The following ADGRL3 variants were observed in gnomAD, a reference collection of about 807,000 sequenced individuals.
ADGRL3 encodes the protein adhesion G protein-coupled receptor L3.
A neutral mutation model predicts 153.5 loss-of-function variants in ADGRL3; 62 were observed. That is an observed-to-expected ratio of 0.40 (90% CI 0.33 to 0.50). The LOEUF is 0.50. Ranked by LOEUF, ADGRL3 falls within the 20% of genes least tolerant of loss-of-function variation. The pLI is 0.47. For missense variants in ADGRL3, 1,641 were observed against 1,859.4 expected (o/e 0.88, Z 2.16); for synonymous variants, 710 against 672.5 (o/e 1.06, Z -0.86).
intron 11 of ADGRL3, among the ~76,000 whole-genome samples, chr4:61,896,234 A>T (rs1422560759): frequency 6.6e-6 from 1 of 152,000 alleles, no homozygotes; most frequent in Non-Finnish European, 1.5e-5. Context: ...TCTGTAACCT[A>T]ATCATTTATC....
At chr4:61,563,088 C>A (rs1446686115) in intron 4 of ADGRL3, among the ~76,000 whole-genome samples, 4 of 151,764 alleles carry the variant, frequency 2.6e-5, no homozygotes, top group Non-Finnish European at 5.9e-5. Context: ...ACACTAAAAT[C>A]TTATAAAATG....
intron 1 of ADGRL3, among the ~76,000 whole-genome samples, chr4:61,243,496 A>G (rs1261341053): frequency 4.6e-5 from 7 of 151,988 alleles, no homozygotes; most frequent in Non-Finnish European, 5.9e-5. Flanking sequence ...GTTTTCTAGG[A>G]TGTTTTTGTC....
intron 5 of ADGRL3, among the ~76,000 whole-genome samples, chr4:61,615,114 A>G (rs893059070): frequency 1.3e-5 from 2 of 152,188 alleles, no homozygotes; most frequent in Non-Finnish European, 2.9e-5. Flanking sequence ...AATTTATGGC[A>G]TAATGATTAA....
chr4:61,505,117 A>G (rs2098418945), intron 3 of ADGRL3, among the ~76,000 whole-genome samples: 2 of 151,966 alleles, frequency 1.3e-5, no homozygotes. Context: ...AGCATTTGTT[A>G]TTGCCTGTTT....
intron 1 of ADGRL3, among the ~76,000 whole-genome samples, chr4:61,214,216 A>G (rs373443832): frequency 1.3e-5 from 2 of 152,198 alleles, no homozygotes; most frequent in East Asian, 1.9e-4. Flanking sequence ...ATTTAAGTAA[A>G]GCTATGCCTC....
intron 1 of ADGRL3, among the ~76,000 whole-genome samples, chr4:61,295,978 C>T (rs1399039335): frequency 6.6e-6 from 1 of 151,930 alleles, no homozygotes; most frequent in East Asian, 1.9e-4. Context: ...AACAAAAACA[C>T]AAGCAAGAGC....
rs942578822 is a variant in ADGRL3, at chr4:62,017,320, T to A, written c.3396-11535T>A. 1.6e-4 allele frequency among the ~76,000 whole-genome samples: 24 copies of A among 152,090 alleles called. 1 individual carries two copies. The highest frequency in any genetic ancestry group is 1.2e-3 in the Admixed American group (19 of 15,272). On this transcript the variant is annotated intron_variant, in intron 21 of 26. Coordinates refer to ENST00000683033, the MANE Select transcript of ADGRL3 (RefSeq NM_001387552.1). ...TATAATATTTGCTATGAATTTTTTT[T>A]TAAAAAATGAATGATTCCACCAAGT...
rs76279050 is a variant in ADGRL3 at position 61,551,298 on chromosome 4, T to C, written c.259+33780T>C. On this transcript the variant is annotated intron_variant, in intron 4 of 26. Transcript: ENST00000683033. The stretch of plus-strand genomic sequence containing the variant: ...ATGCATAGTGATTTTTATATAAAAG[T>C]TTTGTAGTCAGTGAAAAAGAAATGA... 1.0e-3 allele frequency among the ~76,000 whole-genome samples: 154 copies of C among 152,222 alleles called. 1 individual carries two copies. The East Asian group carries it at 0.021, about 20-fold the overall frequency.
chr4:61,578,756 G>T (rs146862272), intron 4 of ADGRL3, among the ~76,000 whole-genome samples: 1 of 152,118 alleles, frequency 6.6e-6, no homozygotes, highest in African/African-American at 2.4e-5. Flanking sequence ...CGTCATTCGA[G>T]AAATCTTTTT....
Position 62,016,346 on chromosome 4 carries a change from C to T in ADGRL3, c.3396-12509C>T, listed in dbSNP as rs187977998. 8.6e-3 allele frequency among the ~76,000 whole-genome samples: 1,309 copies of T among 152,194 alleles called. 8 individuals are homozygous for T. The highest frequency in any genetic ancestry group is 0.014 in the Non-Finnish European group (937 of 67,980). On this transcript the variant is annotated intron_variant, in intron 21 of 26. Coordinates refer to ENST00000683033, the MANE Select transcript of ADGRL3 (RefSeq NM_001387552.1). The stretch of plus-strand genomic sequence containing the variant: ...ACAGGCATAAGCCACCACGCCCGTC[C>T]TTTTATTTTCTATTCTATATTTTAT...
chr4:61,518,937 A>G (rs1261076923), intron 4 of ADGRL3, among the ~76,000 whole-genome samples: 1 of 152,218 alleles, frequency 6.6e-6, no homozygotes, highest in Non-Finnish European at 1.5e-5. Context: ...AATGTGCTTC[A>G]GCAGTCACAA....
At chr4:61,293,155 G>A (rs888899852) in intron 1 of ADGRL3, among the ~76,000 whole-genome samples, 5 of 152,116 alleles carry the variant, frequency 3.3e-5, no homozygotes, top group South Asian at 2.1e-4. Flanking sequence ...TGAAGTGGAA[G>A]ACACCAAAGT....
Position 62,070,703 on chromosome 4 carries a change from C to T in ADGRL3, c.4427C>T (p.Pro1476Leu). The T allele has an allele frequency of 6.4e-7, 1 of 1,551,624 alleles. No individual in the cohort carries two copies. The highest frequency in any genetic ancestry group is 1.2e-5 in the South Asian group (1 of 84,046). The change falls in exon 27 of 27, where the codon CCC (proline) becomes CTC (leucine). Residue 1476 changes from proline (P) to leucine (L), a missense_variant. By Grantham distance (98) the Pro-to-Leu change is moderately conservative (BLOSUM62 -3). Around this residue, in one of 5 missense-constraint regions of ADGRL3, gnomAD observed 517 missense variants for 555.0 expected, o/e 0.93. Transcript: ENST00000683033. ...ESVTTSTQTE[P>L]PPAKCGDAED... ...GTTACCACCAGCACCCAGACCGAACCCCCACCGGCCAAATGTGGTGATGCC... is the reference window on the plus strand; with the variant it reads ...GTTACCACCAGCACCCAGACCGAACTCCCACCGGCCAAATGTGGTGATGCC...
At chr4:61,615,455 C>CA (rs2091891045) in intron 5 of ADGRL3, among the ~76,000 whole-genome samples, 1 of 151,164 alleles carries the variant, frequency 6.6e-6, no homozygotes, top group East Asian at 1.9e-4. Context: ...GGGGAAGCTT[C>CA]AAAAAAGGGG....
chr4:61,883,843 G>C (rs982368765), intron 9 of ADGRL3, among the ~76,000 whole-genome samples: 6 of 152,082 alleles, frequency 3.9e-5, no homozygotes, highest in African/African-American at 1.4e-4. Flanking sequence ...CTCTTCTTGA[G>C]GGTAGTACTC....
rs560950048 is a variant in ADGRL3 at position 61,395,655 on chromosome 4, A to G, written c.-174+12466A>G. On this transcript the variant is annotated intron_variant, in intron 2 of 26. Coordinates refer to ENST00000683033, the MANE Select transcript of ADGRL3 (RefSeq NM_001387552.1). ...TGAAGGTTTTAATAGGTAATGACCT[A>G]TTCTGAATTTGTTCAGTAAAATATA... Among the ~76,000 whole-genome samples, 4 of 152,100 alleles carry G rather than the reference A, an allele frequency of 2.6e-5. No individual in the cohort carries two copies. The South Asian group carries it at 8.3e-4, about 32-fold the overall frequency.
At chr4:61,409,607 G>A (rs887027326) in intron 2 of ADGRL3, among the ~76,000 whole-genome samples, 21 of 150,956 alleles carry the variant, frequency 1.4e-4, no homozygotes, top group African/African-American at 3.6e-4. Flanking sequence ...TTGTGTAGAG[G>A]TCTAAATGTT....
chr4:61,611,989 C>T (rs1034436974), intron 5 of ADGRL3, among the ~76,000 whole-genome samples: 2 of 151,984 alleles, frequency 1.3e-5, no homozygotes, highest in African/African-American at 2.4e-5. Context: ...TTAGAATAAG[C>T]CTCATACATT....
At chr4:61,335,358 T>A (rs17090437) in intron 1 of ADGRL3, among the ~76,000 whole-genome samples, 2,070 of 152,272 alleles carry the variant, frequency 0.014, 48 homozygotes, top group African/African-American at 0.047. Flanking sequence ...TTTAAGATTA[T>A]CCCTGTAATG....
Sources: gnomAD v4.1 joint callset for allele counts (sites outside exome capture counted in the v4.1 genomes callset) on GRCh38, gnomAD v4.1.1 for gene constraint, gnomAD v4.1.1 regional missense constraint, MANE v1.5 for transcripts, NCBI Gene and HGNC (gene_info 2026-07-23, HGNC 2026-07-21) for gene names.